The following ARL17B variants were observed in gnomAD, a reference collection of about 807,000 sequenced individuals.
ARL17B encodes the protein ADP-ribosylation factor-like protein 17.
chr17:46,276,645 G>A (rs1372036192), intron 4 of ARL17B, among the ~76,000 whole-genome samples: 1 of 152,146 alleles, frequency 6.6e-6, no homozygotes, highest in East Asian at 1.9e-4. Context: ...GGAAATTCTG[G>A]AAACCCATAA....
intron 4 of ARL17B, among the ~76,000 whole-genome samples, chr17:46,289,533 T>G (rs1253605508): frequency 7.9e-5 from 12 of 152,250 alleles, no homozygotes; most frequent in South Asian, 2.1e-4. Context: ...AGAGATAGGG[T>G]TTCACCATGT....
chr17:46,275,283 G>C (rs1161610807), exon 5 of ARL17B: 2 of 592,122 alleles, frequency 3.4e-6, no homozygotes, highest in African/African-American at 4.1e-5. Context: ...GTCAAGTCTT[G>C]TCAGGATAGC....
chr17:46,333,252 C>T (rs1342609953), downstream of ARL17B, among the ~76,000 whole-genome samples: 3 of 62,454 alleles, frequency 4.8e-5, no homozygotes, highest in African/African-American at 9.7e-5. Flanking sequence ...ATACTCTAGC[C>T]CTCCTGAGCC....
At chr17:46,278,136 G>A (rs2049643669) in intron 4 of ARL17B, among the ~76,000 whole-genome samples, 1 of 151,982 alleles carries the variant, frequency 6.6e-6, no homozygotes, top group South Asian at 2.1e-4. Context: ...TAGTGGAGAT[G>A]GGGTTTCACC....
At chr17:46,292,161 G>A (rs1434916960) in intron 4 of ARL17B, among the ~76,000 whole-genome samples, 3 of 107,948 alleles carry the variant, frequency 2.8e-5, no homozygotes, top group African/African-American at 6.0e-5. Context: ...GTGAAACCCC[G>A]TCTCTACTAA....
intron 4 of ARL17B, among the ~76,000 whole-genome samples, chr17:46,280,110 C>T (rs113469929): frequency 0.11 from 16,650 of 149,090 alleles, no homozygotes; most frequent in Non-Finnish European, 0.17. Flanking sequence ...CGGTGGCTCA[C>T]ATCTGTAATC....
intron 4 of ARL17B, among the ~76,000 whole-genome samples, chr17:46,290,041 C>T (rs539267649): frequency 5.9e-5 from 9 of 152,262 alleles, no homozygotes; most frequent in Non-Finnish European, 1.2e-4. Flanking sequence ...CTCCTTTAAG[C>T]CTGAGAGGTG....
intron 4 of ARL17B, among the ~76,000 whole-genome samples, chr17:46,278,087 C>T (rs1159583713): frequency 5.3e-5 from 8 of 152,148 alleles, no homozygotes; most frequent in South Asian, 2.1e-4. Flanking sequence ...CTGGGACTTA[C>T]AGGCGTGCAC....
chr17:46,286,767 A>G (rs1422440857), intron 4 of ARL17B, among the ~76,000 whole-genome samples: 2 of 152,286 alleles, frequency 1.3e-5, no homozygotes, highest in Non-Finnish European at 2.9e-5. Context: ...TTCCTAAATT[A>G]TTAAATGTGA....
chr17:46,274,540 G>C (rs188794166), downstream of ARL17B, among the ~76,000 whole-genome samples: 2 of 152,182 alleles, frequency 1.3e-5, no homozygotes, highest in Non-Finnish European at 2.9e-5. Flanking sequence ...GTACTTTTAC[G>C]TACAGGAATC....
rs373072335 is a variant in ARL17B at position 46,292,183 on chromosome 17, T to C, written c.*21+7343A>G. On this transcript the variant is annotated intron_variant, in intron 4 of 4. Transcript: ENST00000570618. ...CCCGTCTCTACTAAAAATACAAAAATTGGCTGGGTGTGGTGGTGGGCACCT... is the reference window on the plus strand; with the variant it reads ...CCCGTCTCTACTAAAAATACAAAAACTGGCTGGGTGTGGTGGTGGGCACCT... Among the ~76,000 whole-genome samples, 21 of 43,824 alleles carry C rather than the reference T, an allele frequency of 4.8e-4. 8 individuals carry two copies. The highest frequency in any genetic ancestry group is 4.7e-5 in the African/African-American group (1 of 21,118). The allele number at this position is 43,824 out of a possible 152,430, so 28.8% of individuals were successfully genotyped here. A position where few individuals can be genotyped will look rare whatever the true frequency, so the allele number is the denominator to read the frequency against.
At chr17:46,278,391 G>GTTTTAT (rs1199941851) in intron 4 of ARL17B, among the ~76,000 whole-genome samples, 1 of 143,450 alleles carries the variant, frequency 7.0e-6, no homozygotes, top group African/African-American at 2.8e-5. Context: ...GTTCTGTTTT[G>GTTTTAT]TTTTATTTTG....
intron 4 of ARL17B, among the ~76,000 whole-genome samples, chr17:46,283,927 GATACAC>G (rs1231270297): frequency 1.3e-5 from 2 of 152,246 alleles, no homozygotes; most frequent in South Asian, 2.1e-4. Context: ...CTGTGCTTTA[GATACAC>G]ATACACATAA....
intron 4 of ARL17B, among the ~76,000 whole-genome samples, chr17:46,284,832 A>C (rs1395612437): frequency 1.2e-4 from 19 of 152,248 alleles, no homozygotes; most frequent in Non-Finnish European, 2.5e-4. Context: ...TATGATAAAA[A>C]TAGAAGAAAG....
At chr17:46,281,678 C>CT (rs2049767282) in intron 4 of ARL17B, among the ~76,000 whole-genome samples, 1 of 152,168 alleles carries the variant, frequency 6.6e-6, no homozygotes, top group African/African-American at 2.4e-5. Context: ...GAGAGTCTCA[C>CT]TGTCACCCAG....
At chr17:46,287,958 A>C (rs1487362904) in intron 4 of ARL17B, among the ~76,000 whole-genome samples, 2 of 152,244 alleles carry the variant, frequency 1.3e-5, no homozygotes, top group South Asian at 4.1e-4. Context: ...CATCATGTCA[A>C]AGTCATAGTG....
chr17:46,276,790 C>CTTTTCTTTTTTTTTTTTTTT (rs2049598576), intron 4 of ARL17B, among the ~76,000 whole-genome samples: 5 of 134,288 alleles, frequency 3.7e-5, no homozygotes, highest in Admixed American at 7.7e-5. Flanking sequence ...TTCTTTTTTT[C>CTTTTCTTTTTTTTTTTTTTT]TTTTTTTTTT....
intron 3 of ARL17B, among the ~76,000 whole-genome samples, chr17:46,343,263 CTAA>C (rs2052566138): frequency 8.7e-6 from 1 of 114,372 alleles, no homozygotes; most frequent in Non-Finnish European, 1.7e-5. Context: ...CAGGCCCAGG[CTAA>C]TAAAAGTAGA....
At position 46,325,732 on chromosome 17, in the gene ARL17B, T is replaced by C. The variant is rs1384288938; in HGVS notation, c.260-26067A>G. Among the ~76,000 whole-genome samples, 6 of 79,422 alleles carry C rather than the reference T, an allele frequency of 7.6e-5. 3 individuals are homozygous for C. Among genetic ancestry groups the C allele is most frequent in the Non-Finnish European group, 2.3e-4 (6 of 26,272 alleles). 52.1% of individuals were successfully genotyped at this position (79,422 alleles called of 152,430 possible). ...GGAGAATGCCTTGGTTCTTAGGGGC[T>C]GCACACTGAAGTCTTCAATGGTGAA... On this transcript the variant is annotated intron_variant, in intron 3 of 4. Coordinates refer to the ARL17B transcript ENST00000434041.
Sources: gnomAD v4.1 joint callset for allele counts (sites outside exome capture counted in the v4.1 genomes callset) on GRCh38, gnomAD v4.1.1 for gene constraint, MANE v1.5 for transcripts, NCBI Gene and HGNC (gene_info 2026-07-23, HGNC 2026-07-21) for gene names.